The following SCEL variants were observed in gnomAD, a reference collection of about 807,000 sequenced individuals.
SCEL encodes sciellin.
SCEL carries 113 observed loss-of-function variants against 117.6 expected under a neutral mutation model. The ratio of observed to expected loss-of-function variants is 0.96; its 90% CI spans 0.83 to 1.12. The LOEUF is 1.12. SCEL is among the 50% of genes most tolerant of loss of function. The pLI is 0.00. For synonymous variants in SCEL, 270 were observed against 256.2 expected, an observed-to-expected ratio of 1.05 and a Z score of -0.51; for missense variants, 785 against 810.8, an observed-to-expected ratio of 0.97 and a Z score of 0.39.
intron 1 of SCEL, among the ~76,000 whole-genome samples, chr13:77,550,553 T>C (rs1329382643): frequency 4.6e-5 from 7 of 152,070 alleles, no homozygotes; most frequent in Non-Finnish European, 5.9e-5. Context: ...TGGAAAACAC[T>C]AATCCACTTT....
At chr13:77,543,633 C>A (rs1379214074) in intron 1 of SCEL, among the ~76,000 whole-genome samples, 3 of 152,236 alleles carry the variant, frequency 2.0e-5, no homozygotes, top group Admixed American at 1.3e-4. Flanking sequence ...TCCATTGTTG[C>A]CATCTTTATG....
At position 77,559,816 on chromosome 13, in the gene SCEL, C is replaced by A. The variant is rs750331235; in HGVS notation, c.174C>A (p.Tyr58Ter). Residue 58 changes from tyrosine (Y) to a stop codon, truncating the protein, a stop_gained, in exon 4 of 33, where the codon TAC becomes TAA. Transcript: ENST00000349847. LOFTEE classifies it high-confidence loss of function. ...TCTTTCTTTGCAGAGATGAAAATTA[C>A]GGTAGGGTGGTGCTCAACCGACATA... Reference protein sequence around the residue: ...KRPEEEKDENYGRVVLNRHNS... With the variant: ...KRPEEEKDEN 5.0e-6 allele frequency: 8 copies of A among 1,613,306 alleles called. No homozygotes were observed. The Admixed American group carries it at 1.3e-4, about 27-fold the overall frequency.
chr13:77,582,433 G>A (rs192039102), intron 9 of SCEL, among the ~76,000 whole-genome samples: 40 of 151,872 alleles, frequency 2.6e-4, no homozygotes, highest in Admixed American at 2.6e-3. Context: ...TCACCATGTT[G>A]GTCAGGCTGG....
chr13:77,584,016 A>G (rs774386082), intron 9 of SCEL, among the ~76,000 whole-genome samples: 2 of 152,230 alleles, frequency 1.3e-5, no homozygotes, highest in Admixed American at 1.3e-4. Flanking sequence ...GCTCATCATG[A>G]TAGCCACTAG....
intron 15 of SCEL, among the ~76,000 whole-genome samples, chr13:77,600,910 G>A (rs1280728303): frequency 1.3e-5 from 2 of 152,092 alleles, no homozygotes; most frequent in Non-Finnish European, 2.9e-5. Context: ...GCCCAGAATG[G>A]CATTCTAGCT....
intron 28 of SCEL, among the ~76,000 whole-genome samples, chr13:77,634,088 T>C (rs895549629): frequency 2.6e-5 from 4 of 152,192 alleles, no homozygotes; most frequent in African/African-American, 9.6e-5. Context: ...CTAGAACATA[T>C]TATACAAATA....
chr13:77,621,460 T>C (rs987502822), intron 27 of SCEL, among the ~76,000 whole-genome samples: 2 of 152,194 alleles, frequency 1.3e-5, no homozygotes, highest in Non-Finnish European at 2.9e-5. Flanking sequence ...TCACTCAGGC[T>C]CTGGGAAGCC....
intron 30 of SCEL, among the ~76,000 whole-genome samples, chr13:77,640,072 G>T (rs1272584283): frequency 6.6e-6 from 1 of 151,980 alleles, no homozygotes; most frequent in Admixed American, 6.6e-5. Flanking sequence ...TTGTGGTGGG[G>T]TTATGTCTTG....
intron 9 of SCEL, among the ~76,000 whole-genome samples, chr13:77,583,083 C>T (rs1374924957): frequency 6.6e-6 from 1 of 152,120 alleles, no homozygotes; most frequent in Non-Finnish European, 1.5e-5. Flanking sequence ...TTTTATTAAC[C>T]ACAACAGCAT....
chr13:77,564,346 C>T (rs372241583), intron 5 of SCEL, among the ~76,000 whole-genome samples: 20 of 152,070 alleles, frequency 1.3e-4, no homozygotes, highest in African/African-American at 3.9e-4. Flanking sequence ...AGGACAGAGA[C>T]GTTAGCTCTT....
At chr13:77,552,442 C>T in intron 1 of SCEL, among the ~76,000 whole-genome samples, 1 of 150,932 alleles carries the variant, frequency 6.6e-6, no homozygotes. Flanking sequence ...TCTCTGATGG[C>T]CAGTGATAGT....
chr13:77,581,368 G>T (rs2086252291), intron 9 of SCEL, among the ~76,000 whole-genome samples: 1 of 152,178 alleles, frequency 6.6e-6, no homozygotes, highest in Non-Finnish European at 1.5e-5. Flanking sequence ...TTAACCTTTA[G>T]CAATGAATTA....
chr13:77,586,089 T>G (rs2086550114), intron 9 of SCEL, among the ~76,000 whole-genome samples: 1 of 152,084 alleles, frequency 6.6e-6, no homozygotes, highest in African/African-American at 2.4e-5. Context: ...CATCTGAAGG[T>G]CTCTGAGACA....
In SCEL at chr13:77,551,121, G is replaced by A. The variant is rs191362625; in HGVS notation, c.-19-4736G>A. On this transcript the variant is annotated intron_variant, in intron 1 of 32. Coordinates refer to ENST00000349847, the MANE Select transcript of SCEL (RefSeq NM_144777.3). The stretch of plus-strand genomic sequence containing the variant: ...AGGGCGTGGCTTGGTTTAGAAGCCC[G>A]ATGCAGCCTCTTAACACCTTGGACA... Among the ~76,000 whole-genome samples the A allele has an allele frequency of 4.1e-3, 619 of 152,310 alleles. 3 individuals carry two copies. The highest frequency in any genetic ancestry group is 4.2e-3 in the Non-Finnish European group (286 of 68,024).
At chr13:77,577,396 G>C (rs1225528321) in intron 9 of SCEL, among the ~76,000 whole-genome samples, 1 of 152,068 alleles carries the variant, frequency 6.6e-6, no homozygotes, top group South Asian at 2.1e-4. Context: ...GAAGGCAAGC[G>C]GGGGAGGATG....
At chr13:77,598,727 G>A (rs1335616737) in intron 13 of SCEL, among the ~76,000 whole-genome samples, 1 of 152,206 alleles carries the variant, frequency 6.6e-6, no homozygotes, top group Non-Finnish European at 1.5e-5. Flanking sequence ...CTGTCGCCCA[G>A]GCTGGAGTGC....
At chr13:77,615,569 C>T (rs1231910201) in intron 24 of SCEL, among the ~76,000 whole-genome samples, 1 of 151,998 alleles carries the variant, frequency 6.6e-6, no homozygotes, top group Non-Finnish European at 1.5e-5. Context: ...ACCTAAATAT[C>T]CTAATGTATC....
At chr13:77,586,472 A>T (rs1042882638) in intron 9 of SCEL, among the ~76,000 whole-genome samples, 2 of 151,868 alleles carry the variant, frequency 1.3e-5, no homozygotes, top group Non-Finnish European at 2.9e-5. Context: ...CACTACTCAT[A>T]TTCTCATTTC....
At chr13:77,567,900 G>A (rs762246686) in intron 6 of SCEL, 152 bp downstream of exon 6, 101 of 568,066 alleles carry the variant, frequency 1.8e-4, no homozygotes, top group Admixed American at 3.4e-4. Context: ...ATAAAACCTT[G>A]TTGTTTAGCT....
Sources: gnomAD v4.1 joint callset for allele counts (sites outside exome capture counted in the v4.1 genomes callset) on GRCh38, gnomAD v4.1.1 for gene constraint, MANE v1.5 for transcripts, NCBI Gene and HGNC (gene_info 2026-07-23, HGNC 2026-07-21) for gene names.